The following ADGRL4 variants were observed in gnomAD, a reference collection of about 807,000 sequenced individuals.
ADGRL4 encodes the protein adhesion G protein-coupled receptor L4.
Under a neutral mutation model 74.8 loss-of-function variants are expected in ADGRL4, and 90 were observed. That is an observed-to-expected ratio of 1.20 (90% CI 1.02 to 1.43). The LOEUF (loss-of-function observed/expected upper bound fraction) is 1.43. ADGRL4 is among the 40% of genes most tolerant of loss of function. The probability of loss-of-function intolerance (pLI) is 0.00; values close to 1 mark genes in which losing one functional copy is unlikely to be tolerated. For missense variants in ADGRL4, 881 were observed against 814.3 expected (o/e 1.08, Z -1.00); for synonymous variants, 311 against 279.2 (o/e 1.11, Z -1.14).
chr1:78,911,870 T>A (rs553382143), intron 12 of ADGRL4, among the ~76,000 whole-genome samples: 21 of 152,012 alleles, frequency 1.4e-4, no homozygotes, highest in Admixed American at 4.6e-4. Context: ...ATCATTAACT[T>A]CATCTGCATA....
At chr1:78,972,049 C>A (rs1027541754) in intron 2 of ADGRL4, among the ~76,000 whole-genome samples, 1 of 152,134 alleles carries the variant, frequency 6.6e-6, no homozygotes, top group Admixed American at 6.5e-5. Flanking sequence ...ACCACCGTGC[C>A]CGGCCAGGAT....
chr1:78,974,294 G>A (rs17102541), intron 2 of ADGRL4, among the ~76,000 whole-genome samples: 13,627 of 152,030 alleles, frequency 0.09, 816 homozygotes, highest in East Asian at 0.35. Context: ...TGAATTTTAG[G>A]ACAATAGTAC....
At position 78,936,393 on chromosome 1, in the gene ADGRL4, A is replaced by G; in HGVS notation, c.779T>C (p.Phe260Ser). 1 of 1,571,306 alleles carries G rather than the reference A, an allele frequency of 6.4e-7. No homozygotes were observed. Among genetic ancestry groups the G allele is most frequent in the Non-Finnish European group, 8.6e-7 (1 of 1,166,224 alleles). ...STDIALKVFF[F>S]DSYNMKHIHP... ...AATATGTTTCATGTTATATGAATCA[A>G]AAAAGAAAACTTTGAGAGCTGAAAC... Residue 260 changes from phenylalanine (F) to serine (S), a missense_variant, in exon 7 of 15, where the codon TTT becomes TCT. Transcript: ENST00000370742.
chr1:78,902,227 A>G (rs560027264), intron 12 of ADGRL4, among the ~76,000 whole-genome samples: 12 of 152,278 alleles, frequency 7.9e-5, no homozygotes, highest in African/African-American at 2.9e-4. Flanking sequence ...CTACTGTTAT[A>G]TTGAAACTCA....
At chr1:78,970,187 C>A (rs1239752125) in intron 2 of ADGRL4, among the ~76,000 whole-genome samples, 5 of 152,088 alleles carry the variant, frequency 3.3e-5, no homozygotes, top group Admixed American at 6.6e-5. Flanking sequence ...AACTCCTCCC[C>A]CAAGACACAT....
chr1:79,001,222 AGAGGGAGG>A (rs1158637075), intron 2 of ADGRL4, among the ~76,000 whole-genome samples: 1 of 90,482 alleles, frequency 1.1e-5, no homozygotes, highest in Non-Finnish European at 2.1e-5. Flanking sequence ...AGGAAGGGAG[AGAGGGAGG>A]GAGGGAGGGA....
intron 2 of ADGRL4, among the ~76,000 whole-genome samples, chr1:78,995,417 A>T (rs1406515942): frequency 1.3e-5 from 2 of 152,188 alleles, no homozygotes; most frequent in Non-Finnish European, 2.9e-5. Context: ...AAGAACTTTC[A>T]AGTCACATCC....
intron 7 of ADGRL4, among the ~76,000 whole-genome samples, chr1:78,933,617 A>G (rs2100683838): frequency 6.6e-6 from 1 of 151,490 alleles, no homozygotes; most frequent in South Asian, 2.1e-4. Context: ...GGGTATTCAA[A>G]TAGGAAGAGA....
At position 78,920,442 on chromosome 1, in the gene ADGRL4, G is replaced by A. The variant is rs1236032469; in HGVS notation, c.1258-56C>T. 8.5e-6 allele frequency: 9 copies of A among 1,056,700 alleles called. No individual in the cohort carries two copies. The East Asian group carries it at 1.5e-4, about 18-fold the overall frequency. The allele number at this position is 1,056,700 out of a possible 1,614,324, so 65.5% of individuals were successfully genotyped here. On this transcript the variant is annotated intron_variant, in intron 9 of 14. Coordinates refer to ENST00000370742, the MANE Select transcript of ADGRL4 (RefSeq NM_022159.4). The stretch of plus-strand genomic sequence containing the variant: ...AGAATAACTCACTAAGTTGTCAAAG[G>A]AACTACAACATATAATGAACTTCCT...
At chr1:78,934,071 A>T (rs1051712741) in intron 7 of ADGRL4, among the ~76,000 whole-genome samples, 4 of 152,172 alleles carry the variant, frequency 2.6e-5, no homozygotes, top group African/African-American at 9.7e-5. Context: ...TAGAAAAAAA[A>T]TACTTTAAAT....
At chr1:78,996,729 C>A (rs1028910406) in intron 2 of ADGRL4, among the ~76,000 whole-genome samples, 1 of 152,174 alleles carries the variant, frequency 6.6e-6, no homozygotes, top group Non-Finnish European at 1.5e-5. Flanking sequence ...ATTCCATCTT[C>A]GCTTTTTAGC....
intron 7 of ADGRL4, among the ~76,000 whole-genome samples, chr1:78,935,003 A>C (rs13374294): frequency 6.6e-6 from 1 of 151,938 alleles, no homozygotes; most frequent in Admixed American, 6.6e-5. Context: ...GTGATTCCTC[A>C]AGGATCTAGA....
At chr1:78,924,433 G>T (rs913077763) in intron 8 of ADGRL4, among the ~76,000 whole-genome samples, 9 of 151,950 alleles carry the variant, frequency 5.9e-5, no homozygotes, top group African/African-American at 2.2e-4. Context: ...AGGAAACATG[G>T]CATCTGACAC....
At chr1:78,981,220 C>T (rs552830751) in intron 2 of ADGRL4, among the ~76,000 whole-genome samples, 1 of 151,778 alleles carries the variant, frequency 6.6e-6, no homozygotes, top group South Asian at 2.1e-4. Context: ...AAAATATCAA[C>T]TGATTAATGA....
At chr1:78,955,553 TG>T (rs1274360780) in intron 2 of ADGRL4, among the ~76,000 whole-genome samples, 2 of 152,074 alleles carry the variant, frequency 1.3e-5, no homozygotes, top group Non-Finnish European at 2.9e-5. Flanking sequence ...GTATTGCCTT[TG>T]TTTTTTTTCC....
chr1:78,951,000 G>A (rs1264962491), intron 2 of ADGRL4, among the ~76,000 whole-genome samples: 1 of 152,126 alleles, frequency 6.6e-6, no homozygotes, highest in Non-Finnish European at 1.5e-5. Context: ...GTCATGAATT[G>A]TCTATTCATG....
chr1:78,939,875 A>T (rs1434866591), intron 3 of ADGRL4: 1 of 152,596 alleles, frequency 6.6e-6, no homozygotes, highest in African/African-American at 2.4e-5. Flanking sequence ...GTTACTTATG[A>T]TTAGCAGTTT....
intron 8 of ADGRL4, among the ~76,000 whole-genome samples, chr1:78,923,515 A>G (rs1050944552): frequency 4.6e-5 from 7 of 152,136 alleles, no homozygotes; most frequent in African/African-American, 1.4e-4. Flanking sequence ...TTAAATGTGA[A>G]TGGGTGGTCA....
At chr1:78,906,927 TA>T (rs1490603870) in intron 12 of ADGRL4, among the ~76,000 whole-genome samples, 1 of 151,998 alleles carries the variant, frequency 6.6e-6, no homozygotes, top group Non-Finnish European at 1.5e-5. Context: ...TTCTGACTTT[TA>T]AAAAATGCTC....
Sources: gnomAD v4.1 joint callset for allele counts (sites outside exome capture counted in the v4.1 genomes callset) on GRCh38, gnomAD v4.1.1 for gene constraint, MANE v1.5 for transcripts, NCBI Gene and HGNC (gene_info 2026-07-23, HGNC 2026-07-21) for gene names.